CEP57L1: variants seen among roughly 807,000 people sequenced by gnomAD.
CEP57L1 encodes the protein centrosomal protein CEP57L1.
In CEP57L1, 37 loss-of-function variants were observed where a neutral mutation model predicts 61.0. The observed-to-expected ratio is 0.61, with a 90% CI of 0.47 to 0.80. The LOEUF (loss-of-function observed/expected upper bound fraction) is 0.80. Among genes scored for constraint, CEP57L1 ranks in the 30% least tolerant of loss-of-function variants. The pLI is 0.00. For missense variants in CEP57L1, 422 were observed against 524.7 expected, an observed-to-expected ratio of 0.80 and a Z score of 1.91; for synonymous variants, 137 against 162.3, an observed-to-expected ratio of 0.84 and a Z score of 1.19.
intron 4 of CEP57L1, among the ~76,000 whole-genome samples, chr6:109,151,850 T>G (rs1772647986): frequency 6.6e-6 from 1 of 152,212 alleles, no homozygotes. Context: ...GATCTCATAG[T>G]TTCTAATCAG....
At chr6:109,116,544 T>C (rs1480155967) in intron 1 of CEP57L1, among the ~76,000 whole-genome samples, 3 of 152,186 alleles carry the variant, frequency 2.0e-5, no homozygotes, top group Non-Finnish European at 4.4e-5. Flanking sequence ...GTTACTTTAT[T>C]TATATAGGTA....
At chr6:109,143,301 T>C (rs546809467) in intron 1 of CEP57L1, among the ~76,000 whole-genome samples, 67 of 152,292 alleles carry the variant, frequency 4.4e-4, no homozygotes, top group Middle Eastern at 3.4e-3. Flanking sequence ...GGATCAAGCC[T>C]TTTGTAGTTA....
chr6:109,155,314 A>G lies in CEP57L1; in HGVS notation c.657+7A>G, dbSNP rs549626253. On this transcript the variant is annotated splice_region_variant and intron_variant, in intron 6 of 10. Transcript: ENST00000517392. Reference sequence around the variant, plus strand: ...TCAAGACAAAGCTTCTGAGGTAAATATAGCACTATATAATCTATCACAGTA... The same window carrying G: ...TCAAGACAAAGCTTCTGAGGTAAATGTAGCACTATATAATCTATCACAGTA... The G allele has an allele frequency of 1.4e-6, 2 of 1,444,824 alleles. No homozygotes were observed. The highest frequency in any genetic ancestry group is 1.3e-5 in the South Asian group (1 of 77,352). The allele number at this position is 1,444,824 out of a possible 1,614,324, so 89.5% of individuals were successfully genotyped here.
chr6:109,109,307 T>C (rs1378731606), intron 1 of CEP57L1, among the ~76,000 whole-genome samples: 1 of 152,204 alleles, frequency 6.6e-6, no homozygotes, highest in African/African-American at 2.4e-5. Context: ...AAATTTACAA[T>C]GATAGTAGCA....
chr6:109,134,528 C>T (rs1252692877), intron 1 of CEP57L1, among the ~76,000 whole-genome samples: 1 of 152,192 alleles, frequency 6.6e-6, no homozygotes, highest in African/African-American at 2.4e-5. Context: ...TCTGTCACCA[C>T]TCCTATTCAA....
chr6:109,164,937 G>C lies in CEP57L1; in HGVS notation c.*1967G>C, dbSNP rs1429416792. 3.3e-5 allele frequency among the ~76,000 whole-genome samples: 5 copies of C among 152,122 alleles called. No individual in the cohort carries two copies. The highest frequency in any genetic ancestry group is 3.4e-3 in the Middle Eastern group (1 of 294). ...CTACTAAATTACAAAAATTAGCCGGGTGTGGTGGCGCATGCCTGTAATCCC... is the reference window on the plus strand; with the variant it reads ...CTACTAAATTACAAAAATTAGCCGGCTGTGGTGGCGCATGCCTGTAATCCC... On this transcript the variant is annotated 3_prime_UTR_variant, in exon 11 of 11. Transcript: ENST00000517392.
At chr6:109,152,137 T>C (rs984084650) in intron 4 of CEP57L1, among the ~76,000 whole-genome samples, 1 of 152,194 alleles carries the variant, frequency 6.6e-6, no homozygotes, top group Non-Finnish European at 1.5e-5. Context: ...AGACTCTGTT[T>C]ATTGGTATTG....
At chr6:109,129,435 T>C (rs563925009) in intron 1 of CEP57L1, 41 of 627,880 alleles carry the variant, frequency 6.5e-5, no homozygotes, top group South Asian at 5.2e-4. Flanking sequence ...TCCAGAGATA[T>C]TCTGTAATTT....
At position 109,146,744 on chromosome 6, in the gene CEP57L1, T is replaced by A; in HGVS notation, c.161-14T>A. 1 of 1,512,958 alleles carries A rather than the reference T, an allele frequency of 6.6e-7. No individual in the cohort carries two copies. The highest frequency in any genetic ancestry group is 8.9e-7 in the Non-Finnish European group (1 of 1,129,014). The allele number at this position is 1,512,958 out of a possible 1,614,324, so 93.7% of individuals were successfully genotyped here. A position where few individuals can be genotyped will look rare whatever the true frequency, so the allele number is the denominator to read the frequency against. ...ACTTTCACTTAAAATATCAACAAAA[T>A]TTTTTTTCAACAGCTCTTATTTTAG... On this transcript the variant is annotated splice_polypyrimidine_tract_variant and intron_variant, in intron 2 of 10. Coordinates refer to ENST00000517392, the MANE Select transcript of CEP57L1 (RefSeq NM_001271852.3).
At chr6:109,160,106 T>A (rs1463330257) in intron 9 of CEP57L1, among the ~76,000 whole-genome samples, 1 of 152,236 alleles carries the variant, frequency 6.6e-6, no homozygotes, top group Non-Finnish European at 1.5e-5. Context: ...ACTATGTGAT[T>A]TGGCTGACCA....
chr6:109,139,727 AT>A (rs1343878195), intron 1 of CEP57L1, among the ~76,000 whole-genome samples: 5 of 152,048 alleles, frequency 3.3e-5, no homozygotes, highest in African/African-American at 1.2e-4. Flanking sequence ...ACCTCAAATG[AT>A]CTGCCCACCT....
intron 1 of CEP57L1, among the ~76,000 whole-genome samples, chr6:109,096,075 A>G (rs2114508227): frequency 6.6e-6 from 1 of 152,338 alleles, no homozygotes; most frequent in Middle Eastern, 3.4e-3. Context: ...TACAGCAGGA[A>G]AAAGAAAGCA....
chr6:109,155,423 T>G, intron 6 of CEP57L1, 116 bp downstream of exon 6: 1 of 551,706 alleles, frequency 1.8e-6, no homozygotes. Flanking sequence ...TAAATTGTCT[T>G]TTCGTTACAA....
chr6:109,155,388 G>T, intron 6 of CEP57L1, 81 bp downstream of exon 6: 1 of 724,990 alleles, frequency 1.4e-6, no homozygotes, highest in East Asian at 3.2e-5. Context: ...TGAAGCCTAT[G>T]TTCTAGATTC....
chr6:109,101,318 A>G (rs944521424), intron 1 of CEP57L1, among the ~76,000 whole-genome samples: 1 of 151,866 alleles, frequency 6.6e-6, no homozygotes. Flanking sequence ...TGGCTCCTTT[A>G]CTTAGCAATG....
At chr6:109,134,144 A>T (rs1774531493) in intron 1 of CEP57L1, among the ~76,000 whole-genome samples, 1 of 152,194 alleles carries the variant, frequency 6.6e-6, no homozygotes, top group East Asian at 1.9e-4. Context: ...CCTGATGAAC[A>T]TCGATGCAGA....
At chr6:109,133,201 C>G (rs555180787) in intron 1 of CEP57L1, among the ~76,000 whole-genome samples, 5 of 152,204 alleles carry the variant, frequency 3.3e-5, no homozygotes, top group African/African-American at 1.2e-4. Context: ...GCAGCAGGGA[C>G]CGGTTTTATG....
At chr6:109,128,555 A>G (rs935145006) in intron 1 of CEP57L1, among the ~76,000 whole-genome samples, 2 of 152,156 alleles carry the variant, frequency 1.3e-5, no homozygotes, top group South Asian at 2.1e-4. Flanking sequence ...GAACTTGTCA[A>G]AATGCAAACC....
At chr6:109,130,816 G>A (rs1015430881) in intron 1 of CEP57L1, 6 of 152,076 alleles carry the variant, frequency 3.9e-5, no homozygotes, top group Non-Finnish European at 8.8e-5. Context: ...GAGGCACATG[G>A]TGGCCTTCTA....
Sources: allele counts gnomAD v4.1 joint callset (sites outside exome capture counted in the v4.1 genomes callset), GRCh38; gene constraint gnomAD v4.1.1; transcripts MANE v1.5; gene names NCBI Gene and HGNC (gene_info 2026-07-23, HGNC 2026-07-21).